The following SSH2 variants were observed in gnomAD, a reference collection of about 807,000 sequenced individuals.
SSH2 encodes slingshot protein phosphatase 2.
SSH2 carries 37 observed loss-of-function variants against 135.2 expected under a neutral mutation model. That is an observed-to-expected ratio of 0.27 (90% CI 0.21 to 0.36). The LOEUF (loss-of-function observed/expected upper bound fraction) is 0.36, where lower values mean the gene tolerates loss of function less well. Ranked by LOEUF, SSH2 falls within the 10% of genes least tolerant of loss-of-function variation. The pLI, the probability that SSH2 is intolerant of heterozygous loss-of-function variation, is 1.00. For synonymous variants in SSH2, 628 were observed against 646.2 expected (o/e 0.97, Z 0.43); for missense variants, 1,408 against 1,765.3 (o/e 0.80, Z 3.63).
chr17:29,904,130 A>G (rs1486424109), intron 1 of SSH2, among the ~76,000 whole-genome samples: 1 of 152,030 alleles, frequency 6.6e-6, no homozygotes, highest in Non-Finnish European at 1.5e-5. Flanking sequence ...AAAAGGAAAG[A>G]CTCCTCCTTA....
At chr17:29,890,963 C>T (rs1449213037) in intron 1 of SSH2, among the ~76,000 whole-genome samples, 2 of 151,914 alleles carry the variant, frequency 1.3e-5, no homozygotes, top group African/African-American at 2.4e-5. Flanking sequence ...ATCATGTTGG[C>T]CAGGATGGTC....
intron 3 of SSH2, among the ~76,000 whole-genome samples, chr17:29,737,098 CAAAAAAAAAA>C (rs59098464): frequency 0.023 from 1,430 of 63,490 alleles, 33 homozygotes; most frequent in African/African-American, 0.069. Flanking sequence ...GACTCTGTCT[CAAAAAAAAAA>C]AAAAAAAAAA....
At chr17:29,761,247 T>G (rs1253351829) in intron 3 of SSH2, 1 of 1,289,476 alleles carries the variant, frequency 7.8e-7, no homozygotes, top group Non-Finnish European at 1.0e-6. Context: ...AGGGGCGCCT[T>G]CCTCTTGCGG....
chr17:29,646,625 G>A (rs192853037), intron 14 of SSH2, among the ~76,000 whole-genome samples: 199 of 151,940 alleles, frequency 1.3e-3, no homozygotes, highest in African/African-American at 4.4e-3. Flanking sequence ...TTAGCCTCCC[G>A]AATAGCTGGG....
intron 2 of SSH2, among the ~76,000 whole-genome samples, chr17:29,829,545 G>A (rs1296105636): frequency 3.3e-5 from 5 of 152,086 alleles, no homozygotes; most frequent in South Asian, 2.1e-4. Flanking sequence ...TTCTTCCTTC[G>A]CTGCTGTATT....
chr17:29,910,035 T>C (rs2151471852), intron 1 of SSH2, among the ~76,000 whole-genome samples: 1 of 152,324 alleles, frequency 6.6e-6, no homozygotes, highest in South Asian at 2.1e-4. Context: ...AGCCTCAACC[T>C]CTTGGACTCA....
intron 3 of SSH2, among the ~76,000 whole-genome samples, chr17:29,773,950 G>A (rs957356383): frequency 2.6e-5 from 4 of 152,126 alleles, no homozygotes; most frequent in East Asian, 1.9e-4. Flanking sequence ...GATTACAGGC[G>A]TGAGCCACCA....
chr17:29,761,139 G>A (rs937805568), intron 3 of SSH2: 1 of 1,288,746 alleles, frequency 7.8e-7, no homozygotes, highest in Non-Finnish European at 1.0e-6. Flanking sequence ...GAGGGCGCGC[G>A]GCGGACTCAC....
At chr17:29,802,618 C>CGAAAA (rs2042269702) in intron 2 of SSH2, among the ~76,000 whole-genome samples, 1 of 57,382 alleles carries the variant, frequency 1.7e-5, no homozygotes, top group African/African-American at 6.2e-5. Context: ...ACTGTTTCTA[C>CGAAAA]AAAAAAAAAA....
At chr17:29,802,618 C>CAAAAAAAAAAAAAA (rs74267073) in intron 2 of SSH2, among the ~76,000 whole-genome samples, 12 of 57,366 alleles carry the variant, frequency 2.1e-4, no homozygotes, top group African/African-American at 5.6e-4. Flanking sequence ...ACTGTTTCTA[C>CAAAAAAAAAAAAAA]AAAAAAAAAA....
intron 1 of SSH2, among the ~76,000 whole-genome samples, chr17:29,872,920 G>A (rs193239029): frequency 8.7e-4 from 132 of 151,234 alleles, no homozygotes; most frequent in African/African-American, 3.0e-3. Context: ...CACTTGAACC[G>A]GGGAGGCAAA....
chr17:29,664,990 A>G (rs2037212543), intron 11 of SSH2, among the ~76,000 whole-genome samples: 1 of 152,098 alleles, frequency 6.6e-6, no homozygotes. Flanking sequence ...GTTAAAAGTC[A>G]AGCTCAATGG....
intron 1 of SSH2, among the ~76,000 whole-genome samples, chr17:29,900,878 C>A (rs976095502): frequency 7.9e-5 from 12 of 152,098 alleles, no homozygotes; most frequent in African/African-American, 2.9e-4. Flanking sequence ...TGGAACCAAC[C>A]CAAATGTCCA....
chr17:29,770,105 T>G (rs1019515822), intron 3 of SSH2, among the ~76,000 whole-genome samples: 8 of 148,092 alleles, frequency 5.4e-5, no homozygotes, highest in African/African-American at 7.4e-5. Context: ...TTTTTTTTTT[T>G]TTTTTTTTTT....
intron 4 of SSH2, 53 bp downstream of exon 4, chr17:29,702,906 T>G: frequency 7.5e-7 from 1 of 1,326,272 alleles, no homozygotes. Flanking sequence ...CCTTTTAGAA[T>G]GTAACAAAAG....
intron 1 of SSH2, among the ~76,000 whole-genome samples, chr17:29,892,194 C>T (rs1567635437): frequency 6.6e-6 from 1 of 152,046 alleles, no homozygotes; most frequent in Non-Finnish European, 1.5e-5. Context: ...ACATGTGCCA[C>T]AGCATTTGGC....
intron 1 of SSH2, among the ~76,000 whole-genome samples, chr17:29,850,699 T>C (rs114121950): frequency 2.1e-3 from 316 of 152,272 alleles, no homozygotes; most frequent in African/African-American, 7.2e-3. Flanking sequence ...TTTAAAATCA[T>C]TGTTGCCCGA....
rs2065893290 is a variant in SSH2 at position 29,868,667 on chromosome 17, G to A, written c.64-19738C>T. Among the ~76,000 whole-genome samples, 5 of 151,916 alleles carry A rather than the reference G, an allele frequency of 3.3e-5. No homozygotes were observed. The South Asian group carries it at 1.0e-3, about 32-fold the overall frequency. ...GCAGGAGAATTGCTTGAACCCAGGA[G>A]GCAGAGGTTGCAGTGAGCTGAGATC... On this transcript the variant is annotated intron_variant, in intron 1 of 15. Coordinates refer to ENST00000540801, the MANE Select transcript of SSH2 (RefSeq NM_001282129.2).
rs1406745298 is a variant in SSH2, at chr17:29,626,660, C to T, written c.*4181G>A. 2.0e-5 allele frequency: 3 copies of T among 152,698 alleles called. No homozygotes were observed. Among genetic ancestry groups the T allele is most frequent in the African/African-American group, 7.2e-5 (3 of 41,460 alleles). The allele number at this position is 152,698 out of a possible 1,614,324, so 9.5% of individuals were successfully genotyped here. ...TCCAGGCTGGAAAAGTACAGAAGCA[C>T]CTTGCAATAGCTCTTCATGACGTCA... On this transcript the variant is annotated 3_prime_UTR_variant, in exon 16 of 16. Coordinates refer to ENST00000540801, the MANE Select transcript of SSH2 (RefSeq NM_001282129.2).
Sources: allele counts gnomAD v4.1 joint callset (sites outside exome capture counted in the v4.1 genomes callset), GRCh38; gene constraint gnomAD v4.1.1; transcripts MANE v1.5; gene names NCBI Gene and HGNC (gene_info 2026-07-23, HGNC 2026-07-21).